ANO4: variants seen among roughly 807,000 people sequenced by gnomAD.
The protein encoded by ANO4 is anoctamin 4, also known as anoctamin-4.
A neutral mutation model predicts 141.9 loss-of-function variants in ANO4; 69 were observed. The ratio of observed to expected loss-of-function variants is 0.49; its 90% CI spans 0.40 to 0.59. The LOEUF (loss-of-function observed/expected upper bound fraction) is 0.59. Ranked by LOEUF, ANO4 falls within the 20% of genes least tolerant of loss-of-function variation. The pLI is 0.00. For missense variants in ANO4, 894 were observed against 1,162.2 expected (o/e 0.77, Z 3.36); for synonymous variants, 350 against 394.3 (o/e 0.89, Z 1.33).
intron 4 of ANO4, among the ~76,000 whole-genome samples, chr12:100,941,422 T>C (rs1007282002): frequency 1.3e-5 from 2 of 152,186 alleles, no homozygotes; most frequent in African/African-American, 4.8e-5. Flanking sequence ...TTGTAAAAAA[T>C]GGTATCATGT....
intron 9 of ANO4, among the ~76,000 whole-genome samples, chr12:101,035,562 G>A (rs591786): frequency 0.15 from 23,126 of 152,070 alleles, 2,096 homozygotes; most frequent in East Asian, 0.24. Flanking sequence ...AAAGATCTGC[G>A]CATCCCTTCC....
intron 1 of ANO4, among the ~76,000 whole-genome samples, chr12:100,872,083 CTTAGTA>C (rs1048177525): frequency 4.6e-5 from 7 of 152,146 alleles, no homozygotes. Flanking sequence ...TTTTCCTAGT[CTTAGTA>C]TTAGTAGCCA....
At chr12:100,811,958 C>T (rs2035463254) in intron 1 of ANO4, among the ~76,000 whole-genome samples, 1 of 152,078 alleles carries the variant, frequency 6.6e-6, no homozygotes. Flanking sequence ...AGACTTATGT[C>T]ATAGTGCTAA....
chr12:101,112,944 A>G (rs914052024), intron 24 of ANO4, among the ~76,000 whole-genome samples: 1 of 152,220 alleles, frequency 6.6e-6, no homozygotes, highest in African/African-American at 2.4e-5. Context: ...TTTCTTTCTA[A>G]TTGCAACTAT....
intron 1 of ANO4, among the ~76,000 whole-genome samples, chr12:100,868,634 A>C (rs1258504383): frequency 6.6e-6 from 1 of 152,178 alleles, no homozygotes; most frequent in East Asian, 1.9e-4. Flanking sequence ...TCCAGGCTGC[A>C]GAAGAAAGCC....
At chr12:100,904,395 A>G (rs1403668788) in intron 2 of ANO4, among the ~76,000 whole-genome samples, 1 of 152,130 alleles carries the variant, frequency 6.6e-6, no homozygotes, top group East Asian at 1.9e-4. Flanking sequence ...AGTATTATGG[A>G]TAAAAGAAAA....
chr12:100,941,985 A>ATTATTATTATTATTC (rs1555257111), intron 4 of ANO4, among the ~76,000 whole-genome samples: 1 of 148,032 alleles, frequency 6.8e-6, no homozygotes, highest in African/African-American at 2.5e-5. Context: ...TATTATTATT[A>ATTATTATTATTATTC]TTATTATTAT....
At chr12:100,760,956 C>T (rs55852556) in intron 3 of ANO4, among the ~76,000 whole-genome samples, 8,454 of 152,204 alleles carry the variant, frequency 0.056, 703 homozygotes, top group African/African-American at 0.18. Context: ...TAGGCACTCT[C>T]CTGCTTCTCA....
rs142933777 is a variant in ANO4, at chr12:100,966,851, A to G, written c.457-4455A>G. 4.0e-4 allele frequency among the ~76,000 whole-genome samples: 59 copies of G among 148,240 alleles called. No homozygotes were observed. The East Asian group carries it at 9.1e-3, about 23-fold the overall frequency. ...TACACATATATATACACACACACAT[A>G]TACACACATGTATATATATATACAC... On this transcript the variant is annotated intron_variant, in intron 5 of 27. Coordinates refer to ENST00000392977, the MANE Select transcript of ANO4 (RefSeq NM_001286615.2).
intron 13 of ANO4, among the ~76,000 whole-genome samples, chr12:101,044,087 T>G (rs2047527839): frequency 6.6e-6 from 1 of 152,184 alleles, no homozygotes; most frequent in Non-Finnish European, 1.5e-5. Context: ...ATCATTTGCC[T>G]CCTCTTCATC....
chr12:100,991,513 T>TAA (rs59975425), intron 8 of ANO4, among the ~76,000 whole-genome samples: 5,932 of 111,050 alleles, frequency 0.053, 244 homozygotes, highest in East Asian at 0.12. Context: ...ATGAAAATAG[T>TAA]AAAAAAAAAA....
In ANO4 at chr12:100,784,347, C is replaced by T. The variant is rs1565873416; in HGVS notation, c.358+44242C>T. On this transcript the variant is annotated intron_variant, in intron 3 of 29. Transcript: ENST00000644049. ...CTACACCCAGAACACCCCTTGTCCC[C>T]TTTTGGAACACAGCGACTGTTTCCT... Among the ~76,000 whole-genome samples, 5 of 152,182 alleles carry T rather than the reference C, an allele frequency of 3.3e-5. No homozygotes were observed. In the South Asian group the frequency reaches 1.0e-3, roughly 32 times the overall value.
intron 2 of ANO4, among the ~76,000 whole-genome samples, chr12:100,911,103 A>G (rs1049673721): frequency 3.9e-5 from 6 of 152,184 alleles, no homozygotes; most frequent in African/African-American, 7.2e-5. Flanking sequence ...TAGCTACAAT[A>G]TATTAAGCCC....
chr12:101,107,916 T>C (rs958547514), intron 22 of ANO4, among the ~76,000 whole-genome samples: 2 of 152,112 alleles, frequency 1.3e-5, no homozygotes, highest in African/African-American at 4.8e-5. Context: ...AGAGACATTT[T>C]TGAAGAGTAA....
chr12:101,004,807 TAAG>T (rs1156627387), intron 8 of ANO4, among the ~76,000 whole-genome samples: 4 of 151,966 alleles, frequency 2.6e-5, no homozygotes, highest in Non-Finnish European at 5.9e-5. Context: ...TTATTGAAAA[TAAG>T]AAGAGGAAGC....
At chr12:100,980,232 C>T (rs1206581208) in intron 7 of ANO4, among the ~76,000 whole-genome samples, 1 of 152,216 alleles carries the variant, frequency 6.6e-6, no homozygotes, top group Non-Finnish European at 1.5e-5. Flanking sequence ...AGAATGGCCT[C>T]TCAAAATAGG....
At chr12:100,773,712 A>T (rs1206711962) in intron 3 of ANO4, among the ~76,000 whole-genome samples, 1 of 152,202 alleles carries the variant, frequency 6.6e-6, no homozygotes, top group Non-Finnish European at 1.5e-5. Flanking sequence ...TGCTTTAAAA[A>T]ACCCAACTTT....
At chr12:100,971,212 T>G (rs1454879506) in intron 5 of ANO4, 94 bp from the exon 6 acceptor site, 1 of 778,308 alleles carries the variant, frequency 1.3e-6, no homozygotes, top group African/African-American at 1.7e-5. Context: ...AATCATAAAC[T>G]CTGTCCAGGT....
intron 1 of ANO4, among the ~76,000 whole-genome samples, chr12:100,811,503 C>T (rs1486596851): frequency 1.3e-5 from 2 of 152,136 alleles, no homozygotes; most frequent in Non-Finnish European, 2.9e-5. Context: ...CAGACCCTGA[C>T]TTTTGAAGGA....
Sources: gnomAD v4.1 joint callset for allele counts (sites outside exome capture counted in the v4.1 genomes callset) on GRCh38, gnomAD v4.1.1 for gene constraint, MANE v1.5 for transcripts, NCBI Gene and HGNC (gene_info 2026-07-23, HGNC 2026-07-21) for gene names.